The following TRAK2 variants were observed in gnomAD, a reference collection of about 807,000 sequenced individuals.
TRAK2 encodes trafficking kinesin-binding protein 2.
TRAK2 carries 81 observed loss-of-function variants against 104.6 expected under a neutral mutation model. The ratio of observed to expected loss-of-function variants is 0.77; its 90% CI spans 0.65 to 0.93. TRAK2 has a LOEUF of 0.93. Among genes scored for constraint, TRAK2 ranks in the 40% least tolerant of loss-of-function variants. The pLI is 0.00. For missense variants in TRAK2, 1,002 were observed against 1,089.0 expected, an observed-to-expected ratio of 0.92 and a Z score of 1.12; for synonymous variants, 406 against 394.4, an observed-to-expected ratio of 1.03 and a Z score of -0.35.
At chr2:201,429,512 A>G (rs1460042888) in intron 1 of TRAK2, among the ~76,000 whole-genome samples, 3 of 152,150 alleles carry the variant, frequency 2.0e-5, no homozygotes, top group Non-Finnish European at 4.4e-5. Context: ...TCACACGTAG[A>G]TTTGGTCTTT....
chr2:201,398,830 A>G (rs1181176442), intron 5 of TRAK2, among the ~76,000 whole-genome samples: 1 of 152,154 alleles, frequency 6.6e-6, no homozygotes, highest in Non-Finnish European at 1.5e-5. Flanking sequence ...GTTTCAACCT[A>G]AAGGCTCAAA....
intron 1 of TRAK2, among the ~76,000 whole-genome samples, chr2:201,437,203 G>A (rs1479475388): frequency 1.3e-5 from 2 of 152,136 alleles, no homozygotes; most frequent in African/African-American, 2.4e-5. Context: ...CAATCCAGGA[G>A]GTTATTAGAT....
At chr2:201,381,250 T>C (rs1237974610) in intron 15 of TRAK2, 32 bp from the exon 16 acceptor site, 1 of 1,540,774 alleles carries the variant, frequency 6.5e-7, no homozygotes, top group Non-Finnish European at 8.7e-7. Flanking sequence ...TGGGAGACAG[T>C]GTTTAAGAAT....
chr2:201,380,229 T>C lies in TRAK2; in HGVS notation c.*314A>G, dbSNP rs1398837728. 1 of 344,682 alleles carries C rather than the reference T, an allele frequency of 2.9e-6. No homozygotes were observed. 21.4% of individuals were successfully genotyped at this position (344,682 alleles called of 1,614,324 possible). On this transcript the variant is annotated 3_prime_UTR_variant, in exon 16 of 16. Transcript: ENST00000332624. ...TGTGCCAGCAAGTTCAGTATCTCTG[T>C]ATGTTTTAGTATTACTGAATTTATT...
At chr2:201,386,645 T>C (rs139119317) in intron 13 of TRAK2, among the ~76,000 whole-genome samples, 161 bp from the exon 14 acceptor site, 1 of 152,118 alleles carries the variant, frequency 6.6e-6, no homozygotes, top group Admixed American at 6.5e-5. Context: ...AAGTTTTCAG[T>C]GGAAGATGAC....
intron 10 of TRAK2, among the ~76,000 whole-genome samples, chr2:201,392,055 C>T (rs7575721): frequency 0.57 from 86,620 of 151,880 alleles, 25,960 homozygotes; most frequent in South Asian, 0.68. Flanking sequence ...CAAATGTCCT[C>T]GTTTTTAGTA....
chr2:201,426,919 C>T (rs1338865028), intron 1 of TRAK2, among the ~76,000 whole-genome samples: 1 of 152,188 alleles, frequency 6.6e-6, no homozygotes, highest in Non-Finnish European at 1.5e-5. Context: ...TGTGGCCTGA[C>T]ATTAGACAAG....
In TRAK2 at chr2:201,399,558, T is replaced by G. The variant is rs1244427835; in HGVS notation, c.364-65A>C. The G allele has an allele frequency of 3.9e-6, 5 of 1,274,376 alleles. No individual in the cohort carries two copies. In the East Asian group the frequency reaches 9.3e-5, roughly 24 times the overall value. 78.9% of individuals were successfully genotyped at this position (1,274,376 alleles called of 1,614,324 possible). A position where few individuals can be genotyped will look rare whatever the true frequency, so the allele number is the denominator to read the frequency against. On this transcript the variant is annotated intron_variant, in intron 4 of 15. Transcript: ENST00000332624. ...CAAGGTTAAATGGCAGTTCAGAAAT[T>G]TTGTGGTCAGTTTTGGTAAAATCAA... is the stretch of plus-strand genomic sequence containing the variant.
At chr2:201,432,593 T>A (rs1951850538) in intron 1 of TRAK2, among the ~76,000 whole-genome samples, 1 of 152,222 alleles carries the variant, frequency 6.6e-6, no homozygotes, top group African/African-American at 2.4e-5. Context: ...ACATAAATAT[T>A]GCTGGCAGGA....
rs1951493455 is a variant in TRAK2 at position 201,395,444 on chromosome 2, C to T, written c.770G>A (p.Arg257His). 1 of 1,506,406 alleles carries T rather than the reference C, an allele frequency of 6.6e-7. No individual in the cohort carries two copies. Among genetic ancestry groups the T allele is most frequent in the Non-Finnish European group, 9.0e-7 (1 of 1,115,694 alleles). The allele number at this position is 1,506,406 out of a possible 1,614,324, so 93.3% of individuals were successfully genotyped here. ...QLVSDCVKEL[R>H]ETNAQMSRMT... is the part of the protein sequence containing the mutation. The stretch of plus-strand genomic sequence containing the variant: ...TCTGGACATCTGAGCATTTGTTTCA[C>T]CTTGGAAGCAAAAAAAATTTTTTTA... Residue 257 changes from arginine (R) to histidine (H), a missense_variant and splice_region_variant, in exon 8 of 16, where the codon CGT becomes CAT. By Grantham distance (29) the Arg-to-His change is conservative. Transcript: ENST00000332624.
Position 201,412,177 on chromosome 2 carries a change from G to A in TRAK2, c.92-4580C>T, listed in dbSNP as rs191793924. ...GCAAAACAAAAGGTACCATGTCAGG[G>A]TTTACAAATTCTGAAGTCAAATCAA... On this transcript the variant is annotated intron_variant, in intron 2 of 15. Coordinates refer to ENST00000332624, the MANE Select transcript of TRAK2 (RefSeq NM_015049.3). 8.5e-4 allele frequency: 823 copies of A among 973,038 alleles called. 2 individuals are homozygous for A. The African/African-American group carries it at 0.011, about 13-fold the overall frequency. The allele number at this position is 973,038 out of a possible 1,614,324, so 60.3% of individuals were successfully genotyped here.
At chr2:201,394,985 C>T (rs1236751961) in intron 8 of TRAK2, 113 bp from the exon 9 acceptor site, 16 of 949,952 alleles carry the variant, frequency 1.7e-5, no homozygotes, top group Non-Finnish European at 2.3e-5. Context: ...TTAAAGCCTA[C>T]AAAAAGCTAA....
intron 8 of TRAK2, 103 bp downstream of exon 8, chr2:201,395,211 C>A: frequency 1.0e-6 from 1 of 985,208 alleles, no homozygotes. Context: ...TTTAAAAGGG[C>A]AGGGACAATG....
intron 1 of TRAK2, among the ~76,000 whole-genome samples, chr2:201,443,787 T>C (rs1559456513): frequency 1.3e-5 from 2 of 152,180 alleles, no homozygotes; most frequent in Non-Finnish European, 2.9e-5. Context: ...CATCATCTCT[T>C]AGACTATGAA....
chr2:201,382,625 T>C (rs1951354185), intron 15 of TRAK2, among the ~76,000 whole-genome samples: 1 of 152,220 alleles, frequency 6.6e-6, no homozygotes, highest in Non-Finnish European at 1.5e-5. Context: ...GAACCAATTT[T>C]GTAAAACTTG....
At chr2:201,444,274 G>A (rs999530160) in intron 1 of TRAK2, among the ~76,000 whole-genome samples, 3 of 151,708 alleles carry the variant, frequency 2.0e-5, no homozygotes, top group Non-Finnish European at 4.4e-5. Flanking sequence ...TCATAGTAAC[G>A]ACAATAAAAC....
At chr2:201,431,725 C>T (rs1215778057) in intron 1 of TRAK2, among the ~76,000 whole-genome samples, 1 of 152,218 alleles carries the variant, frequency 6.6e-6, no homozygotes, top group Non-Finnish European at 1.5e-5. Flanking sequence ...TCAAGAACTG[C>T]ATATCTTTGA....
At chr2:201,445,199 G>A (rs1951955392) in intron 1 of TRAK2, among the ~76,000 whole-genome samples, 1 of 152,150 alleles carries the variant, frequency 6.6e-6, no homozygotes, top group South Asian at 2.1e-4. Context: ...ATGTGAGTCA[G>A]TAGTAAAGCT....
chr2:201,398,058 C>T, intron 6 of TRAK2, 87 bp downstream of exon 6: 4 of 1,263,148 alleles, frequency 3.2e-6, no homozygotes, highest in Non-Finnish European at 4.5e-6. Context: ...CAAATCCTTA[C>T]TTATGCCATA....
Sources: gnomAD v4.1 joint callset for allele counts (sites outside exome capture counted in the v4.1 genomes callset) on GRCh38, gnomAD v4.1.1 for gene constraint, MANE v1.5 for transcripts, NCBI Gene and HGNC (gene_info 2026-07-23, HGNC 2026-07-21) for gene names.